CPA6: variants seen among roughly 807,000 people sequenced by gnomAD.
The protein encoded by CPA6 is carboxypeptidase B.
Under a neutral mutation model 63.3 loss-of-function variants are expected in CPA6, and 58 were observed. The ratio of observed to expected loss-of-function variants is 0.92; its 90% CI spans 0.74 to 1.14. CPA6 has a LOEUF of 1.14. Ranked by LOEUF, CPA6 falls within the 50% of genes most tolerant of loss-of-function variation. The probability of loss-of-function intolerance (pLI) is 0.00; values close to 1 mark genes in which losing one functional copy is unlikely to be tolerated. For missense variants in CPA6, 565 were observed against 526.6 expected (o/e 1.07, Z -0.71); for synonymous variants, 185 against 179.0 (o/e 1.03, Z -0.27).
intron 2 of CPA6, among the ~76,000 whole-genome samples, chr8:67,590,217 A>T (rs1243015323): frequency 6.6e-6 from 1 of 151,456 alleles, no homozygotes; most frequent in South Asian, 2.1e-4. Flanking sequence ...AAGGACATGA[A>T]CTCATCATTT....
chr8:67,496,623 C>T (rs1339619433), intron 6 of CPA6, among the ~76,000 whole-genome samples: 1 of 147,752 alleles, frequency 6.8e-6, no homozygotes, highest in African/African-American at 2.5e-5. Flanking sequence ...TGCAGTGGCA[C>T]AATCTTGGCA....
At chr8:67,484,868 C>A (rs1483258319) in intron 6 of CPA6, 79 bp from the exon 7 acceptor site, 2 of 721,230 alleles carry the variant, frequency 2.8e-6, no homozygotes, top group East Asian at 2.7e-5. Flanking sequence ...CCTTTCTATC[C>A]ATGAGAACTA....
At chr8:67,472,575 G>T (rs563138778) in intron 8 of CPA6, among the ~76,000 whole-genome samples, 1 of 151,806 alleles carries the variant, frequency 6.6e-6, no homozygotes, top group African/African-American at 2.4e-5. Context: ...ACAGGCATAC[G>T]TCACCATGCC....
chr8:67,695,436 C>G (rs118152446), intron 1 of CPA6, among the ~76,000 whole-genome samples: 2 of 152,188 alleles, frequency 1.3e-5, no homozygotes, highest in African/African-American at 4.8e-5. Context: ...GAAGGGATAG[C>G]ATTTTGTTAT....
At chr8:67,593,742 A>G (rs1814206270) in intron 2 of CPA6, among the ~76,000 whole-genome samples, 1 of 148,490 alleles carries the variant, frequency 6.7e-6, no homozygotes, top group African/African-American at 2.5e-5. Flanking sequence ...TGCTTGGTAG[A>G]TCTTCCTCCA....
At chr8:67,723,507 G>A (rs1049765988) in intron 1 of CPA6, among the ~76,000 whole-genome samples, 6 of 152,090 alleles carry the variant, frequency 3.9e-5, no homozygotes, top group African/African-American at 1.2e-4. Flanking sequence ...ATTACTTTCC[G>A]AAGAGGTTAT....
intron 1 of CPA6, among the ~76,000 whole-genome samples, chr8:67,626,327 G>T (rs1043985011): frequency 6.6e-6 from 1 of 152,112 alleles, no homozygotes; most frequent in African/African-American, 2.4e-5. Flanking sequence ...TAGGGCTTTT[G>T]TGTTTATTTC....
At chr8:67,595,532 C>T (rs1369176098) in intron 2 of CPA6, among the ~76,000 whole-genome samples, 1 of 152,216 alleles carries the variant, frequency 6.6e-6, no homozygotes, top group Admixed American at 6.5e-5. Context: ...GTGGTGGGCT[C>T]CACCCAGTTC....
intron 8 of CPA6, among the ~76,000 whole-genome samples, chr8:67,475,836 TTTC>T (rs765335262): frequency 0.028 from 2,130 of 76,648 alleles, 161 homozygotes; most frequent in African/African-American, 0.1. Flanking sequence ...TCTTTCTTTC[TTTC>T]TTTCTTTCTT....
intron 1 of CPA6, among the ~76,000 whole-genome samples, chr8:67,677,643 AAG>A (rs1485995880): frequency 6.6e-6 from 1 of 152,212 alleles, no homozygotes; most frequent in East Asian, 1.9e-4. Flanking sequence ...TATAGATCCA[AAG>A]AGACATAGAT....
intron 2 of CPA6, among the ~76,000 whole-genome samples, chr8:67,519,499 C>G (rs1010157749): frequency 2.0e-5 from 3 of 152,178 alleles, no homozygotes; most frequent in Admixed American, 2.0e-4. Context: ...CTCTAGAAGA[C>G]CAAAAATACT....
intron 1 of CPA6, among the ~76,000 whole-genome samples, chr8:67,700,803 C>A (rs1251070931): frequency 6.6e-6 from 1 of 152,134 alleles, no homozygotes; most frequent in Non-Finnish European, 1.5e-5. Context: ...AATATCCCAG[C>A]ATTCACAGTT....
intron 1 of CPA6, among the ~76,000 whole-genome samples, chr8:67,649,244 T>G (rs933233000): frequency 2.0e-5 from 3 of 152,244 alleles, no homozygotes; most frequent in African/African-American, 4.8e-5. Flanking sequence ...TGGAAACATC[T>G]GCATGCAATG....
chr8:67,574,993 T>A (rs1462126967), intron 2 of CPA6, among the ~76,000 whole-genome samples: 1 of 152,102 alleles, frequency 6.6e-6, no homozygotes, highest in Admixed American at 6.5e-5. Flanking sequence ...ATACATCTGA[T>A]AAGGGATTAA....
At chr8:67,587,902 G>C (rs1000105821) in intron 2 of CPA6, among the ~76,000 whole-genome samples, 3 of 152,148 alleles carry the variant, frequency 2.0e-5, no homozygotes, top group African/African-American at 7.2e-5. Flanking sequence ...CGCATTAGTA[G>C]GTGTCCAGCT....
chr8:67,462,499 A>G (rs1000092199), intron 8 of CPA6, among the ~76,000 whole-genome samples: 1 of 152,204 alleles, frequency 6.6e-6, no homozygotes, highest in Non-Finnish European at 1.5e-5. Context: ...TATTTCCCAC[A>G]TATGTGAGTA....
chr8:67,647,869 C>T (rs1815747722), intron 1 of CPA6, among the ~76,000 whole-genome samples: 1 of 151,954 alleles, frequency 6.6e-6, no homozygotes, highest in Non-Finnish European at 1.5e-5. Flanking sequence ...CACTGAATCC[C>T]CCTAAAAATC....
At chr8:67,640,546 A>G (rs2128989861) in intron 1 of CPA6, among the ~76,000 whole-genome samples, 1 of 148,688 alleles carries the variant, frequency 6.7e-6, no homozygotes, top group African/African-American at 2.5e-5. Flanking sequence ...GAGTGTAGAG[A>G]TGCCTGGGTC....
chr8:67,531,762 C>G (rs1181343183), intron 2 of CPA6, among the ~76,000 whole-genome samples: 1 of 152,102 alleles, frequency 6.6e-6, no homozygotes, highest in African/African-American at 2.4e-5. Flanking sequence ...TCTAAACAGA[C>G]TTTCTTCCCA....
Sources: allele counts gnomAD v4.1 joint callset (sites outside exome capture counted in the v4.1 genomes callset), GRCh38; gene constraint gnomAD v4.1.1; transcripts MANE v1.5; gene names NCBI Gene and HGNC (gene_info 2026-07-23, HGNC 2026-07-21).